The following MASP2 variants were observed in gnomAD, a reference collection of about 807,000 sequenced individuals.
The protein encoded by MASP2 is mannan-binding lectin serine protease 2.
Under a neutral mutation model 57.1 loss-of-function variants are expected in MASP2, and 49 were observed. The ratio of observed to expected loss-of-function variants is 0.86; its 90% CI spans 0.68 to 1.09. The LOEUF (loss-of-function observed/expected upper bound fraction) is 1.09. MASP2 is among the 50% of genes least tolerant of loss of function. The probability of loss-of-function intolerance (pLI) is 0.00; values close to 1 mark genes in which losing one functional copy is unlikely to be tolerated. For missense variants in MASP2, 900 were observed against 874.8 expected (o/e 1.03, Z -0.36); for synonymous variants, 379 against 340.8 (o/e 1.11, Z -1.24).
intron 8 of MASP2, among the ~76,000 whole-genome samples, chr1:11,032,660 A>G (rs1189621709): frequency 6.9e-6 from 1 of 145,600 alleles, no homozygotes; most frequent in Non-Finnish European, 1.5e-5. Context: ...TGTAATCCCA[A>G]CACTTTGGGA....
At chr1:11,045,820 C>T (rs185023001) in intron 3 of MASP2, 76 of 507,142 alleles carry the variant, frequency 1.5e-4, no homozygotes, top group African/African-American at 1.3e-3. Context: ...GTCAATCAAA[C>T]CCAGGGGGCG....
At chr1:11,036,510 C>CAAAAAAAAAAAA (rs35642467) in intron 7 of MASP2, among the ~76,000 whole-genome samples, 20 of 54,340 alleles carry the variant, frequency 3.7e-4, no homozygotes, top group Non-Finnish European at 5.2e-4. Flanking sequence ...GACTCCGTCT[C>CAAAAAAAAAAAA]AAAAAAAAAA....
intron 4 of MASP2, among the ~76,000 whole-genome samples, 154 bp from the exon 5 acceptor site, chr1:11,043,689 AG>A (rs1638535388): frequency 6.6e-6 from 1 of 151,972 alleles, no homozygotes; most frequent in South Asian, 2.1e-4. Flanking sequence ...GCAGGTGGCC[AG>A]CCCCTGAGGC....
intron 3 of MASP2, 74 bp downstream of exon 3, chr1:11,046,482 G>A (rs1638640993): frequency 6.5e-7 from 1 of 1,548,380 alleles, no homozygotes; most frequent in African/African-American, 1.4e-5. Context: ...AGGCAGGGCT[G>A]CCTGGCCTAA....
chr1:11,037,872 C>T (rs956014159), intron 6 of MASP2, 61 bp from the exon 7 acceptor site: 3 of 921,950 alleles, frequency 3.3e-6, no homozygotes, highest in East Asian at 5.3e-5. Context: ...AAGACTGAAT[C>T]GAGCCATCTG....
At chr1:11,030,363 G>T in intron 9 of MASP2, 113 bp from the exon 10 acceptor site, 1 of 715,288 alleles carries the variant, frequency 1.4e-6, no homozygotes, top group Non-Finnish European at 2.4e-6. Flanking sequence ...GGACATAGAG[G>T]TGTCTGAAGA....
chr1:11,031,624 A>G (rs890830089), intron 8 of MASP2, among the ~76,000 whole-genome samples: 2 of 151,362 alleles, frequency 1.3e-5, no homozygotes, highest in Non-Finnish European at 2.9e-5. Context: ...AAGGGTAGAA[A>G]AGGACACGAT....
At chr1:11,041,736 TG>T (rs1570751901) in intron 6 of MASP2, among the ~76,000 whole-genome samples, 372 of 1,896 alleles carry the variant, frequency 0.2, 23 homozygotes, top group Middle Eastern at 0.33. Context: ...GATGGATGGG[TG>T]AAGAATGGGT....
At chr1:11,042,707 G>T (rs538602774) in intron 6 of MASP2, among the ~76,000 whole-genome samples, 168 bp downstream of exon 6, 332 of 152,080 alleles carry the variant, frequency 2.2e-3, no homozygotes, top group Non-Finnish European at 4.0e-3. Context: ...GAGGGACAGC[G>T]GGTGCTTCCC....
chr1:11,047,097 G>C lies in MASP2; in HGVS notation c.28C>G (p.Leu10Val). 6.4e-7 allele frequency: 1 copy of C among 1,550,906 alleles called. No homozygotes were observed. The change falls in exon 2 of 11, where the codon CTG (leucine) becomes GTG (valine). Residue 10 changes from leucine (L) to valine (V), a missense_variant. Leu to Val is a conservative substitution (Grantham distance 32, BLOSUM62 1). Coordinates refer to ENST00000400897, the MANE Select transcript of MASP2 (RefSeq NM_006610.4). MRLLTLLGL[L>V]CGSVATPLGP... Reference sequence around the variant, plus strand: ...AAGGGGGTGGCCACCGAGCCACACAGAAGGCCCAGGAGGGTCAGCAGCCTA... The same window carrying C: ...AAGGGGGTGGCCACCGAGCCACACACAAGGCCCAGGAGGGTCAGCAGCCTA...
intron 4 of MASP2, chr1:11,044,913 C>A (rs900945939): frequency 1.2e-6 from 2 of 1,602,124 alleles, no homozygotes; most frequent in Non-Finnish European, 1.7e-6. Context: ...TTCTGACCTG[C>A]TGGGCAGGCC....
rs775463513 is a variant in MASP2 at position 11,027,654 on chromosome 1, GA to G, written c.1298-7del. The G allele has an allele frequency of 6.3e-7, 1 of 1,589,914 alleles. No homozygotes were observed. Among genetic ancestry groups the G allele is most frequent in the Admixed American group, 1.8e-5 (1 of 55,482 alleles). On this transcript the variant is annotated splice_polypyrimidine_tract_variant and splice_region_variant and intron_variant, in intron 10 of 10. Coordinates refer to ENST00000400897, the MANE Select transcript of MASP2 (RefSeq NM_006610.4). ...GCGGGCTGATAGTCCACAAACTGGA[GA>G]AAGAAGCAGATAGGTAGAGAGCCTT...
intron 7 of MASP2, among the ~76,000 whole-genome samples, chr1:11,036,373 G>A (rs1638226910): frequency 1.3e-5 from 2 of 149,782 alleles, no homozygotes; most frequent in Admixed American, 6.6e-5. Flanking sequence ...GCGCGGTGGC[G>A]GGCGCCTGTA....
intron 8 of MASP2, 78 bp from the exon 9 acceptor site, chr1:11,030,960 T>G: frequency 1.3e-6 from 2 of 1,491,484 alleles, no homozygotes; most frequent in Non-Finnish European, 1.8e-6. Context: ...GAAGCACCTT[T>G]GGGAGGCTGA....
chr1:11,041,096 AGGATGGATAGATGGAT>A (rs1210359932), intron 6 of MASP2, among the ~76,000 whole-genome samples: 5 of 10,130 alleles, frequency 4.9e-4, no homozygotes, highest in Admixed American at 2.1e-3. Context: ...GATGGATAGA[AGGATGGATAGATGGAT>A]GGATGGATGG....
chr1:11,044,595 G>A (rs1638565245), intron 4 of MASP2, among the ~76,000 whole-genome samples: 1 of 152,150 alleles, frequency 6.6e-6, no homozygotes, highest in African/African-American at 2.4e-5. Context: ...CAGCCTCTGG[G>A]GACCTGGACT....
chr1:11,035,621 G>A (rs955612821), intron 7 of MASP2, among the ~76,000 whole-genome samples: 2 of 151,956 alleles, frequency 1.3e-5, no homozygotes, highest in Non-Finnish European at 2.9e-5. Context: ...AGGACCAGGC[G>A]CAGTGGTTCA....
intron 8 of MASP2, among the ~76,000 whole-genome samples, chr1:11,032,319 G>A (rs1404410778): frequency 3.3e-5 from 5 of 152,092 alleles, no homozygotes; most frequent in African/African-American, 1.2e-4. Flanking sequence ...ACACCAAAAC[G>A]GTAACGATTA....
chr1:11,031,083 CAA>C (rs1261776971), intron 8 of MASP2, among the ~76,000 whole-genome samples: 1 of 151,758 alleles, frequency 6.6e-6, no homozygotes, highest in Non-Finnish European at 1.5e-5. Flanking sequence ...CCTGTTGTCC[CAA>C]TTACTTGAGA....
Sources: allele counts gnomAD v4.1 joint callset (sites outside exome capture counted in the v4.1 genomes callset), GRCh38; gene constraint gnomAD v4.1.1; transcripts MANE v1.5; gene names NCBI Gene and HGNC (gene_info 2026-07-23, HGNC 2026-07-21).